The following MAGI3 variants were observed in gnomAD, a reference collection of about 807,000 sequenced individuals.
MAGI3 encodes membrane associated guanylate kinase, WW and PDZ domain containing 3.
MAGI3 carries 43 observed loss-of-function variants against 121.8 expected under a neutral mutation model. The observed-to-expected ratio is 0.35, with a 90% CI of 0.28 to 0.46. MAGI3 has a LOEUF of 0.46. MAGI3 is among the 20% of genes least tolerant of loss of function. MAGI3 has a pLI of 1.00. For missense variants in MAGI3, 1,547 were observed against 1,797.3 expected (o/e 0.86, Z 2.52); for synonymous variants, 553 against 639.3 (o/e 0.86, Z 2.04).
intron 1 of MAGI3, among the ~76,000 whole-genome samples, chr1:113,508,376 A>C (rs185923830): frequency 1.4e-4 from 21 of 152,334 alleles, no homozygotes; most frequent in Non-Finnish European, 1.5e-5. Context: ...TCCTTTGGTC[A>C]AAAGGCTGCA....
At chr1:113,418,193 G>A (rs2101371254) in intron 1 of MAGI3, among the ~76,000 whole-genome samples, 1 of 152,230 alleles carries the variant, frequency 6.6e-6, no homozygotes, top group Non-Finnish European at 1.5e-5. Context: ...AAACTTATGT[G>A]TCTAGCATTC....
chr1:113,674,677 G>A (rs566311907), intron 19 of MAGI3, among the ~76,000 whole-genome samples: 1 of 152,154 alleles, frequency 6.6e-6, no homozygotes, highest in South Asian at 2.1e-4. Flanking sequence ...GTGCTTCTGG[G>A]TGATTGCAGT....
At chr1:113,485,194 G>A (rs1181004295) in intron 1 of MAGI3, among the ~76,000 whole-genome samples, 1 of 152,146 alleles carries the variant, frequency 6.6e-6, no homozygotes. Context: ...TGGGATTGCT[G>A]GATCAAATGG....
At chr1:113,650,316 C>T (rs1328838198) in intron 13 of MAGI3, among the ~76,000 whole-genome samples, 5 of 152,034 alleles carry the variant, frequency 3.3e-5, no homozygotes, top group African/African-American at 1.2e-4. Flanking sequence ...TGTTGATACT[C>T]ATAATGTTCA....
intron 1 of MAGI3, among the ~76,000 whole-genome samples, chr1:113,485,287 G>C (rs1372622578): frequency 4.6e-5 from 7 of 152,158 alleles, no homozygotes; most frequent in Non-Finnish European, 8.8e-5. Flanking sequence ...ATGTAAAAGT[G>C]CTCCTTTTTC....
intron 5 of MAGI3, among the ~76,000 whole-genome samples, chr1:113,592,124 T>A (rs12094849): frequency 0.019 from 2,857 of 151,942 alleles, 35 homozygotes; most frequent in African/African-American, 0.026. Context: ...AAGCAAACAA[T>A]CAACAGAGTG....
intron 1 of MAGI3, among the ~76,000 whole-genome samples, chr1:113,426,475 T>C (rs1653013144): frequency 6.6e-6 from 1 of 152,236 alleles, no homozygotes; most frequent in African/African-American, 2.4e-5. Flanking sequence ...TATCAGTTGA[T>C]GAGTGCAGCA....
chr1:113,478,224 C>T (rs1655943583), intron 1 of MAGI3, among the ~76,000 whole-genome samples: 1 of 152,212 alleles, frequency 6.6e-6, no homozygotes, highest in African/African-American at 2.4e-5. Flanking sequence ...CTGAAGCCTA[C>T]TTTTGTCAAC....
chr1:113,608,606 G>A (rs528811773), intron 6 of MAGI3, among the ~76,000 whole-genome samples: 1 of 152,298 alleles, frequency 6.6e-6, no homozygotes, highest in African/African-American at 2.4e-5. Flanking sequence ...TCTGCAGGCA[G>A]GCTGTTAACC....
At chr1:113,669,703 T>C (rs533849701) in intron 16 of MAGI3, among the ~76,000 whole-genome samples, 39 of 152,268 alleles carry the variant, frequency 2.6e-4, no homozygotes, top group Middle Eastern at 3.4e-3. Flanking sequence ...CTAATTTTTG[T>C]ATTTTTAGTA....
chr1:113,615,166 C>G (rs1217199), intron 7 of MAGI3, among the ~76,000 whole-genome samples: 1 of 151,978 alleles, frequency 6.6e-6, no homozygotes, highest in Non-Finnish European at 1.5e-5. Flanking sequence ...TAGGCAGCTG[C>G]TATGGTTAAA....
rs868763934 is a variant in MAGI3 at position 113,497,263 on chromosome 1, G to A, written c.317-52252G>A. 8.0e-4 allele frequency among the ~76,000 whole-genome samples: 89 copies of A among 110,852 alleles called. 4 individuals are homozygous for A. The highest frequency in any genetic ancestry group is 2.2e-3 in the African/African-American group (72 of 33,236). The allele number at this position is 110,852 out of a possible 152,430, so 72.7% of individuals were successfully genotyped here. ...GTCTACAGCTCCCAGCGTGAGCGAC[G>A]CAGAAGACGGGTGATTTCTGCATTT... On this transcript the variant is annotated intron_variant, in intron 1 of 20. Transcript: ENST00000307546.
In MAGI3 at chr1:113,457,717, T is replaced by C. The variant is rs1174622089; in HGVS notation, c.316+66368T>C. On this transcript the variant is annotated intron_variant, in intron 1 of 20. Coordinates refer to ENST00000307546, the MANE Select transcript of MAGI3 (RefSeq NM_001142782.2). ...AAGCTGTGTATAAATAAGATAAATT[T>C]AATTATAAATAATACTGATAAATAT... Among the ~76,000 whole-genome samples, 6 of 152,230 alleles carry C rather than the reference T, an allele frequency of 3.9e-5. No individual in the cohort carries two copies. The East Asian group carries it at 1.2e-3, about 29-fold the overall frequency.
intron 1 of MAGI3, among the ~76,000 whole-genome samples, chr1:113,539,166 G>A (rs1479046497): frequency 6.6e-6 from 1 of 152,116 alleles, no homozygotes; most frequent in Non-Finnish European, 1.5e-5. Context: ...AGGCCAGGGC[G>A]GGTGGATCAT....
intron 2 of MAGI3, 97 bp from the exon 3 acceptor site, chr1:113,580,445 C>T (rs992625614): frequency 3.6e-6 from 4 of 1,108,298 alleles, no homozygotes; most frequent in Non-Finnish European, 5.0e-6. Flanking sequence ...TGAAACATCT[C>T]TTATGTGTTC....
At chr1:113,603,490 TCTAA>T (rs1323426796) in intron 6 of MAGI3, among the ~76,000 whole-genome samples, 2 of 152,130 alleles carry the variant, frequency 1.3e-5, no homozygotes, top group African/African-American at 4.8e-5. Context: ...GGGAATCTTC[TCTAA>T]CTCTTTCTAT....
At chr1:113,602,744 G>A (rs1649484220) in intron 6 of MAGI3, among the ~76,000 whole-genome samples, 2 of 152,046 alleles carry the variant, frequency 1.3e-5, no homozygotes, top group Admixed American at 1.3e-4. Context: ...TAAGCAACAT[G>A]GTGAAACCCT....
chr1:113,538,286 C>T (rs1319568992), intron 1 of MAGI3, among the ~76,000 whole-genome samples: 1 of 152,134 alleles, frequency 6.6e-6, no homozygotes, highest in Non-Finnish European at 1.5e-5. Context: ...CTTGGACATT[C>T]TGTTGAAGTG....
chr1:113,453,873 G>A (rs1654611625), intron 1 of MAGI3, among the ~76,000 whole-genome samples: 1 of 152,230 alleles, frequency 6.6e-6, no homozygotes, highest in Admixed American at 6.5e-5. Flanking sequence ...TTCAGAGCTG[G>A]TGCACTTAAC....
Sources: gnomAD v4.1 joint callset for allele counts (sites outside exome capture counted in the v4.1 genomes callset) on GRCh38, gnomAD v4.1.1 for gene constraint, MANE v1.5 for transcripts, NCBI Gene and HGNC (gene_info 2026-07-23, HGNC 2026-07-21) for gene names.